TENM2: variants seen among roughly 807,000 people sequenced by gnomAD.
TENM2 encodes the protein teneurin-2.
Under a neutral mutation model 245.2 loss-of-function variants are expected in TENM2, and 52 were observed. The observed-to-expected ratio is 0.21, with a 90% CI of 0.17 to 0.27. TENM2 has a LOEUF of 0.27. TENM2 is among the 10% of genes least tolerant of loss of function. The pLI is 1.00. For missense variants in TENM2, 3,046 were observed against 3,666.8 expected, an observed-to-expected ratio of 0.83 and a Z score of 4.37; for synonymous variants, 1,363 against 1,438.9, an observed-to-expected ratio of 0.95 and a Z score of 1.19.
chr5:168,074,451 C>T (rs757851444), intron 7 of TENM2, among the ~76,000 whole-genome samples: 4 of 152,154 alleles, frequency 2.6e-5, no homozygotes, highest in Admixed American at 6.5e-5. Context: ...CTCTGAAACC[C>T]TCCACTGGCC....
intron 3 of TENM2, among the ~76,000 whole-genome samples, chr5:167,902,367 G>T (rs1561915279): frequency 6.6e-6 from 1 of 152,184 alleles, no homozygotes; most frequent in Non-Finnish European, 1.5e-5. Context: ...AGGCTGGCTG[G>T]AGAAAAGAAC....
intron 2 of TENM2, 89 bp from the exon 5 acceptor site, chr5:167,875,897 T>C: frequency 1.2e-6 from 1 of 803,350 alleles, no homozygotes; most frequent in East Asian, 2.7e-5. Flanking sequence ...TTTTAATATT[T>C]ATATTGTGAG....
intron 3 of TENM2, among the ~76,000 whole-genome samples, chr5:167,931,335 G>A (rs1295629215): frequency 7.0e-4 from 106 of 152,190 alleles, no homozygotes; most frequent in Middle Eastern, 3.4e-3. Flanking sequence ...ATTGAACTGG[G>A]GTGAGAATGC....
chr5:167,788,825 G>A (rs1327927140), intron 2 of TENM2, among the ~76,000 whole-genome samples: 3 of 152,088 alleles, frequency 2.0e-5, no homozygotes, highest in African/African-American at 4.8e-5. Flanking sequence ...CTTGTTTCTC[G>A]ATTACTGAGC....
At chr5:167,879,603 C>T (rs753837043) in intron 3 of TENM2, among the ~76,000 whole-genome samples, 2 of 152,178 alleles carry the variant, frequency 1.3e-5, no homozygotes, top group Non-Finnish European at 2.9e-5. Flanking sequence ...GCATATGATG[C>T]AGAAAATATA....
At chr5:168,134,232 C>T (rs543812708) in intron 12 of TENM2, among the ~76,000 whole-genome samples, 1 of 152,232 alleles carries the variant, frequency 6.6e-6, no homozygotes, top group Non-Finnish European at 1.5e-5. Context: ...GCTTTTCTAA[C>T]CTTTATGTGT....
chr5:168,014,946 C>A (rs1785537154), intron 5 of TENM2, among the ~76,000 whole-genome samples: 1 of 152,192 alleles, frequency 6.6e-6, no homozygotes, highest in Non-Finnish European at 1.5e-5. Context: ...GGATCAGCCG[C>A]TGGGAGCCTG....
intron 2 of TENM2, among the ~76,000 whole-genome samples, chr5:167,739,595 G>T (rs1761034593): frequency 6.6e-6 from 1 of 152,138 alleles, no homozygotes; most frequent in Admixed American, 6.5e-5. Flanking sequence ...GTGCTGCCTT[G>T]TATCTGTCTT....
intron 13 of TENM2, among the ~76,000 whole-genome samples, chr5:168,180,629 T>G (rs1180516479): frequency 6.6e-6 from 1 of 152,166 alleles, no homozygotes; most frequent in African/African-American, 2.4e-5. Context: ...GGCACAGTGG[T>G]GCACACCTGT....
At chr5:167,141,577 C>G in the TENM2 span, among the ~76,000 whole-genome samples, 18 of 152,136 alleles carry the variant, frequency 1.2e-4, 1 homozygote, top group Admixed American at 1.2e-3. Flanking sequence ...TAACCATCAC[C>G]ACATTTCATT....
At chr5:167,822,384 G>A (rs1021780053) in intron 2 of TENM2, among the ~76,000 whole-genome samples, 3 of 152,160 alleles carry the variant, frequency 2.0e-5, no homozygotes, top group Non-Finnish European at 4.4e-5. Context: ...GCAGGGAAAT[G>A]CAATACTTCT....
intron 23 of TENM2, among the ~76,000 whole-genome samples, chr5:168,222,665 A>G (rs1763769211): frequency 1.3e-5 from 2 of 152,164 alleles, no homozygotes; most frequent in African/African-American, 4.8e-5. Flanking sequence ...GGGAAGATGC[A>G]TCTGTATTCC....
Position 167,383,934 on chromosome 5 carries a change from T to TA in TENM2, c.502+8462dup, listed in dbSNP as rs1199439411. Among the ~76,000 whole-genome samples, 7 of 152,160 alleles carry TA rather than the reference T, an allele frequency of 4.6e-5. 1 individual carries two copies. Among genetic ancestry groups the TA allele is most frequent in the African/African-American group, 1.4e-4 (6 of 41,440 alleles). ...ACATTGGAGATGTGTCCAAAAGGCT[T>TA]ATGCTGATTGTTTTAGACCTTTTAT... On this transcript the variant is annotated intron_variant, in intron 2 of 28. Coordinates refer to ENST00000518659, the Ensembl canonical transcript of TENM2.
intron 2 of TENM2, among the ~76,000 whole-genome samples, chr5:167,451,256 C>T (rs1316935765): frequency 6.6e-6 from 1 of 152,100 alleles, no homozygotes; most frequent in African/African-American, 2.4e-5. Context: ...AGGACTCCGC[C>T]ATGAGATTAC....
the TENM2 span, among the ~76,000 whole-genome samples, chr5:167,160,183 A>G: frequency 6.6e-6 from 1 of 152,262 alleles, no homozygotes; most frequent in East Asian, 1.9e-4. Flanking sequence ...GTTTCTTAAC[A>G]AGAAATCACC....
At chr5:167,240,223 CAGG>C in the TENM2 span, among the ~76,000 whole-genome samples, 9 of 151,352 alleles carry the variant, frequency 5.9e-5, no homozygotes, top group African/African-American at 2.2e-4. Flanking sequence ...CTCTAAAGAA[CAGG>C]AGGAGACAAC....
chr5:167,870,123 A>G (rs1474652276), intron 2 of TENM2, among the ~76,000 whole-genome samples: 1 of 152,168 alleles, frequency 6.6e-6, no homozygotes, highest in East Asian at 1.9e-4. Flanking sequence ...TGTTTTTATT[A>G]AGTTCTTGAA....
chr5:167,757,078 A>AT lies in TENM2; in HGVS notation c.503-118901dup, dbSNP rs1054167891. On this transcript the variant is annotated intron_variant, in intron 2 of 28. Transcript: ENST00000518659. The stretch of plus-strand genomic sequence containing the variant: ...TTTTAAATTTTATATTATATTTTTT[A>AT]TTTTTTTATTATTTTTATATTTTTA... Among the ~76,000 whole-genome samples the AT allele has an allele frequency of 1.2e-4, 17 of 145,018 alleles. No homozygotes were observed. In the East Asian group the frequency reaches 1.2e-3, roughly 10 times the overall value.
intron 2 of TENM2, among the ~76,000 whole-genome samples, chr5:167,724,793 G>A (rs1164954701): frequency 6.6e-6 from 1 of 152,120 alleles, no homozygotes; most frequent in East Asian, 1.9e-4. Flanking sequence ...CCCTGAGACG[G>A]ACAGTAGCTT....
Sources: gnomAD v4.1 joint callset for allele counts (sites outside exome capture counted in the v4.1 genomes callset) on GRCh38, gnomAD v4.1.1 for gene constraint, MANE v1.5 for transcripts, NCBI Gene and HGNC (gene_info 2026-07-23, HGNC 2026-07-21) for gene names.